Variants in MEGF10 observed in about 807,000 individuals in gnomAD.
MEGF10 encodes multiple EGF like domains 10, also known as multiple epidermal growth factor-like domains protein 10.
MEGF10 carries 86 observed loss-of-function variants against 147.5 expected under a neutral mutation model. That is an observed-to-expected ratio of 0.58 (90% CI 0.49 to 0.70). MEGF10 has a LOEUF of 0.70. Ranked by LOEUF, MEGF10 falls within the 30% of genes least tolerant of loss-of-function variation. MEGF10 has a pLI of 0.00. For synonymous variants in MEGF10, 478 were observed against 525.5 expected, an observed-to-expected ratio of 0.91 and a Z score of 1.24; for missense variants, 1,329 against 1,487.3, an observed-to-expected ratio of 0.89 and a Z score of 1.75.
intron 4 of MEGF10, among the ~76,000 whole-genome samples, chr5:127,360,234 T>G (rs1762421559): frequency 6.6e-6 from 1 of 152,090 alleles, no homozygotes; most frequent in African/African-American, 2.4e-5. Flanking sequence ...TGATTTGTCC[T>G]TAAGTATTTC....
chr5:127,254,688 G>A, the MEGF10 span, among the ~76,000 whole-genome samples: 1 of 151,648 alleles, frequency 6.6e-6, no homozygotes, highest in African/African-American at 2.4e-5. Flanking sequence ...GTGCATGCCT[G>A]TAATCCAAGC....
chr5:127,360,837 T>C (rs1169331304), intron 4 of MEGF10, among the ~76,000 whole-genome samples: 1 of 151,466 alleles, frequency 6.6e-6, no homozygotes, highest in African/African-American at 2.4e-5. Flanking sequence ...TGAAGGAACA[T>C]ATATATGTGT....
intron 4 of MEGF10, among the ~76,000 whole-genome samples, chr5:127,348,430 T>C (rs1460311282): frequency 6.6e-6 from 1 of 152,126 alleles, no homozygotes; most frequent in Non-Finnish European, 1.5e-5. Flanking sequence ...AAAAATACTT[T>C]TTTGATTTTT....
intron 5 of MEGF10, among the ~76,000 whole-genome samples, chr5:127,391,337 A>T (rs1027213182): frequency 9.2e-5 from 14 of 151,960 alleles, no homozygotes; most frequent in Admixed American, 5.9e-4. Flanking sequence ...GCACTTTGGG[A>T]TGCCAAGGTG....
intron 8 of MEGF10, among the ~76,000 whole-genome samples, chr5:127,409,440 G>C (rs1353860504): frequency 6.6e-6 from 1 of 152,180 alleles, no homozygotes; most frequent in Non-Finnish European, 1.5e-5. Context: ...CTGCTGCAGA[G>C]AGCCAGTCAC....
chr5:127,310,013 T>C (rs201053818), intron 1 of MEGF10, among the ~76,000 whole-genome samples: 12,775 of 33,172 alleles, frequency 0.39, 3,637 homozygotes, highest in Middle Eastern at 0.62. Flanking sequence ...TTCCTTCCTT[T>C]CTTTTTTTCT....
the MEGF10 span, among the ~76,000 whole-genome samples, chr5:127,233,609 T>A: frequency 6.6e-6 from 1 of 152,044 alleles, no homozygotes; most frequent in South Asian, 2.1e-4. Flanking sequence ...AGAAGGCACT[T>A]AAGGTTAATG....
chr5:127,292,783 A>G lies in MEGF10; in HGVS notation c.-19+1727A>G, dbSNP rs185206159. Among the ~76,000 whole-genome samples, 104 of 152,144 alleles carry G rather than the reference A, an allele frequency of 6.8e-4. No individual in the cohort carries two copies. The Middle Eastern group carries it at 0.01, about 15-fold the overall frequency. ...TACATTAATATACTTTCTTTAACCTATTTTTTAGAGGTCACTCATTTGTTC... is the reference window on the plus strand; with the variant it reads ...TACATTAATATACTTTCTTTAACCTGTTTTTTAGAGGTCACTCATTTGTTC... On this transcript the variant is annotated intron_variant, in intron 1 of 24. Transcript: ENST00000503335.
chr5:127,361,942 G>C (rs1174533727), intron 4 of MEGF10, among the ~76,000 whole-genome samples: 1 of 152,078 alleles, frequency 6.6e-6, no homozygotes, highest in Non-Finnish European at 1.5e-5. Context: ...TTATTTCATA[G>C]AATATAACTT....
Position 127,443,089 on chromosome 5 carries a change from C to T in MEGF10, c.2454C>T (p.Tyr818=). ...GCGACCACATCACTGGGACCTGTTA[C>T]TGCAGCCCCGGATGGAAGGGAGCGA... ...STCDHITGTC[Y]CSPGWKGARC... is the part of the protein sequence containing the mutation. The change falls in exon 19 of 25, where the codon TAC becomes TAT. Residue 818 remains tyrosine (Y), a synonymous_variant. Coordinates refer to ENST00000503335, the MANE Select transcript of MEGF10 (RefSeq NM_001256545.2). 6.2e-7 allele frequency: 1 copy of T among 1,613,748 alleles called. No individual in the cohort carries two copies. The highest frequency in any genetic ancestry group is 8.5e-7 in the Non-Finnish European group (1 of 1,179,710).
chr5:127,417,806 A>G lies in MEGF10; in HGVS notation c.1299A>G (p.Gly433=), dbSNP rs1396345972. 2 of 1,613,810 alleles carry G rather than the reference A, an allele frequency of 1.2e-6. No homozygotes were observed. The highest frequency in any genetic ancestry group is 1.7e-6 in the Non-Finnish European group (2 of 1,179,952). Residue 433 remains glycine, a synonymous_variant, in exon 10 of 25, where the codon GGA becomes GGG. Coordinates refer to ENST00000503335, the MANE Select transcript of MEGF10 (RefSeq NM_001256545.2). ...CTGGAAAGTGCACCTGTGCCCCAGGATTCAAAGTGAGTGACTAGGGCTCTG... is the reference window on the plus strand; with the variant it reads ...CTGGAAAGTGCACCTGTGCCCCAGGGTTCAAAGTGAGTGACTAGGGCTCTG... The part of the protein sequence containing the change: ...SVTGKCTCAP[G]FKGIDCSTPC...
At chr5:127,245,216 G>C in the MEGF10 span, among the ~76,000 whole-genome samples, 8 of 152,118 alleles carry the variant, frequency 5.3e-5, no homozygotes, top group Non-Finnish European at 7.4e-5. Flanking sequence ...ACACTACAAA[G>C]CTATAGTAAC....
chr5:127,261,843 C>A, the MEGF10 span, among the ~76,000 whole-genome samples: 1 of 152,112 alleles, frequency 6.6e-6, no homozygotes, highest in Non-Finnish European at 1.5e-5. Flanking sequence ...TTTTGATTTG[C>A]ATTTCCCTAA....
At chr5:127,443,275 G>A in intron 19 of MEGF10, 149 bp downstream of exon 19, 1 of 855,786 alleles carries the variant, frequency 1.2e-6, no homozygotes, top group Non-Finnish European at 1.6e-6. Flanking sequence ...ATTGCCAGAT[G>A]AATGCCTTAT....
chr5:127,319,669 C>T (rs73785580), intron 1 of MEGF10, among the ~76,000 whole-genome samples: 10,982 of 152,182 alleles, frequency 0.072, 675 homozygotes, highest in African/African-American at 0.17. Context: ...TAATTCACTG[C>T]GAGCTCTTCC....
At chr5:127,264,110 C>T in the MEGF10 span, among the ~76,000 whole-genome samples, 1 of 152,074 alleles carries the variant, frequency 6.6e-6, no homozygotes, top group Non-Finnish European at 1.5e-5. Flanking sequence ...AATTTAGGCC[C>T]AGATGACCTC....
intron 5 of MEGF10, among the ~76,000 whole-genome samples, chr5:127,382,999 A>G (rs550621294): frequency 6.6e-6 from 1 of 152,338 alleles, no homozygotes; most frequent in South Asian, 2.1e-4. Context: ...ACTTCCATGA[A>G]GGCAAATTGG....
At chr5:127,419,978 G>A (rs1180892195) in intron 11 of MEGF10, 66 bp from the exon 12 acceptor site, 1 of 1,559,074 alleles carries the variant, frequency 6.4e-7, no homozygotes, top group East Asian at 2.3e-5. Context: ...ACGTGGTTTG[G>A]AAAGGCTCAA....
At chr5:127,386,688 T>C (rs1367434454) in intron 5 of MEGF10, among the ~76,000 whole-genome samples, 2 of 152,244 alleles carry the variant, frequency 1.3e-5, no homozygotes, top group Non-Finnish European at 2.9e-5. Context: ...AAATTTTACA[T>C]TGTGAGAACT....
Sources: gnomAD v4.1 joint callset for allele counts (sites outside exome capture counted in the v4.1 genomes callset) on GRCh38, gnomAD v4.1.1 for gene constraint, MANE v1.5 for transcripts, NCBI Gene and HGNC (gene_info 2026-07-23, HGNC 2026-07-21) for gene names.